Variants in CTIF observed in about 807,000 individuals in gnomAD.
The protein encoded by CTIF is CBP80/20-dependent translation initiation factor.
CTIF carries 21 observed loss-of-function variants against 66.0 expected under a neutral mutation model. The ratio of observed to expected loss-of-function variants is 0.32; its 90% CI spans 0.23 to 0.46. CTIF has a LOEUF of 0.46. Among genes scored for constraint, CTIF ranks in the 20% least tolerant of loss-of-function variants. The pLI is 1.00. For synonymous variants in CTIF, 345 were observed against 326.4 expected (o/e 1.06, Z -0.62); for missense variants, 739 against 812.7 (o/e 0.91, Z 1.10).
chr18:48,638,146 G>A (rs1446254282), intron 3 of CTIF, among the ~76,000 whole-genome samples: 2 of 152,040 alleles, frequency 1.3e-5, no homozygotes, highest in African/African-American at 2.4e-5. Context: ...GCTCCTCAGG[G>A]GCACTGTCTC....
intron 9 of CTIF, among the ~76,000 whole-genome samples, chr18:48,805,898 C>G (rs542633980): frequency 6.6e-6 from 1 of 152,378 alleles, no homozygotes; most frequent in African/African-American, 2.4e-5. Flanking sequence ...ATCCGGTCCA[C>G]ACACGTTCAT....
chr18:48,684,742 T>A (rs1402486801), intron 6 of CTIF, among the ~76,000 whole-genome samples: 1 of 152,226 alleles, frequency 6.6e-6, no homozygotes, highest in Non-Finnish European at 1.5e-5. Context: ...CCCCAAGTGT[T>A]CACTTTTTAC....
At chr18:48,852,994 A>G (rs1381013302) in intron 10 of CTIF, among the ~76,000 whole-genome samples, 2 of 151,956 alleles carry the variant, frequency 1.3e-5, no homozygotes, top group African/African-American at 4.8e-5. Context: ...CATCCCCCTC[A>G]CTCTCATCTT....
chr18:48,862,585 A>C lies in CTIF; in HGVS notation c.*3026A>C, dbSNP rs1000507672. 1 of 152,496 alleles carries C rather than the reference A, an allele frequency of 6.6e-6. No homozygotes were observed. Among genetic ancestry groups the C allele is most frequent in the South Asian group, 2.1e-4 (1 of 4,824 alleles). The allele number at this position is 152,496 out of a possible 1,614,324, so 9.4% of individuals were successfully genotyped here. The stretch of plus-strand genomic sequence containing the variant: ...TCGTCCTTCCTTGACCAGTCTGTAA[A>C]CCTTCACTGTTTGGGGATCGTCCTG... On this transcript the variant is annotated 3_prime_UTR_variant, in exon 12 of 12. Coordinates refer to ENST00000256413, the MANE Select transcript of CTIF (RefSeq NM_014772.3).
chr18:48,760,851 AG>A (rs1908916636), intron 8 of CTIF: 1 of 153,812 alleles, frequency 6.5e-6, no homozygotes. Context: ...ACAAAAAGCC[AG>A]GGCTGTGCCC....
At chr18:48,717,930 T>C (rs1013624190) in intron 7 of CTIF, among the ~76,000 whole-genome samples, 2 of 152,074 alleles carry the variant, frequency 1.3e-5, no homozygotes, top group African/African-American at 4.8e-5. Context: ...TTGGTAGCGA[T>C]GGAGTCTTGC....
chr18:48,626,645 GTTTTTTTTTTGTTTT>G (rs1428881748), intron 2 of CTIF, among the ~76,000 whole-genome samples: 1 of 122,796 alleles, frequency 8.1e-6, no homozygotes, highest in Non-Finnish European at 1.7e-5. Flanking sequence ...GCACCTGGCC[GTTTTTTTTTTGTTTT>G]TTTTTTTTTT....
intron 9 of CTIF, among the ~76,000 whole-genome samples, chr18:48,812,183 C>T (rs2068272040): frequency 1.3e-5 from 2 of 152,230 alleles, no homozygotes; most frequent in South Asian, 2.1e-4. Flanking sequence ...GGGCTGGTCT[C>T]GAACTCCTGA....
intron 6 of CTIF, among the ~76,000 whole-genome samples, chr18:48,701,007 C>G (rs2092077492): frequency 6.6e-6 from 1 of 152,238 alleles, no homozygotes; most frequent in African/African-American, 2.4e-5. Context: ...CACTTCTCAA[C>G]AGTTGTCATT....
intron 6 of CTIF, among the ~76,000 whole-genome samples, chr18:48,678,705 C>A (rs978916042): frequency 5.3e-5 from 8 of 151,848 alleles, no homozygotes; most frequent in Admixed American, 2.6e-4. Context: ...GGGGTTTCCA[C>A]GCGGGCCTCC....
intron 1 of CTIF, among the ~76,000 whole-genome samples, chr18:48,596,721 C>T (rs772394869): frequency 6.6e-6 from 1 of 152,122 alleles, no homozygotes; most frequent in Admixed American, 6.5e-5. Context: ...TGTGATCCGC[C>T]CACCTCGGCC....
intron 7 of CTIF, among the ~76,000 whole-genome samples, chr18:48,716,542 C>G (rs555077826): frequency 1.1e-4 from 17 of 152,098 alleles, no homozygotes; most frequent in African/African-American, 4.1e-4. Flanking sequence ...GCTCTGGAGC[C>G]AGGGATTCCC....
At chr18:48,610,695 G>T (rs757193033) in intron 1 of CTIF, among the ~76,000 whole-genome samples, 40 of 152,218 alleles carry the variant, frequency 2.6e-4, no homozygotes, top group Non-Finnish European at 5.1e-4. Flanking sequence ...TTGCCTTCCG[G>T]CCAGCCATGC....
chr18:48,716,735 G>A (rs1023662450), intron 7 of CTIF, among the ~76,000 whole-genome samples: 5 of 152,202 alleles, frequency 3.3e-5, no homozygotes, highest in African/African-American at 1.2e-4. Context: ...CCAAAGCCCG[G>A]CCTCTTAACC....
At chr18:48,668,233 C>T (rs1165867777) in intron 5 of CTIF, among the ~76,000 whole-genome samples, 4 of 152,196 alleles carry the variant, frequency 2.6e-5, no homozygotes, top group Non-Finnish European at 5.9e-5. Flanking sequence ...TGGTGCCCAG[C>T]GTGTGCTTGG....
At chr18:48,780,244 G>A (rs1180284397) in intron 9 of CTIF, among the ~76,000 whole-genome samples, 1 of 152,196 alleles carries the variant, frequency 6.6e-6, no homozygotes, top group Non-Finnish European at 1.5e-5. Context: ...TGAGGACCCT[G>A]GGGTGTGAGC....
intron 1 of CTIF, among the ~76,000 whole-genome samples, chr18:48,603,432 T>C (rs111065579): frequency 0.047 from 5,817 of 123,336 alleles, 433 homozygotes; most frequent in African/African-American, 0.17. Context: ...GATGGCTAGA[T>C]GGGTGGATGA....
intron 2 of CTIF, among the ~76,000 whole-genome samples, chr18:48,621,888 G>A (rs2144442851): frequency 6.6e-6 from 1 of 152,336 alleles, no homozygotes; most frequent in East Asian, 1.9e-4. Flanking sequence ...GGGCAAGTCA[G>A]GGGTTGCTGG....
chr18:48,543,650 G>C (rs2088678320), intron 1 of CTIF, among the ~76,000 whole-genome samples: 1 of 152,164 alleles, frequency 6.6e-6, no homozygotes, highest in African/African-American at 2.4e-5. Flanking sequence ...AAGATGATCT[G>C]ATCTTCACGT....
Sources: gnomAD v4.1 joint callset for allele counts (sites outside exome capture counted in the v4.1 genomes callset) on GRCh38, gnomAD v4.1.1 for gene constraint, MANE v1.5 for transcripts, NCBI Gene and HGNC (gene_info 2026-07-23, HGNC 2026-07-21) for gene names.